The following HAO1 variants were observed in gnomAD, a reference collection of about 807,000 sequenced individuals.
The protein encoded by HAO1 is hydroxyacid oxidase 1, also known as 2-Hydroxyacid oxidase 1.
Under a neutral mutation model 39.7 loss-of-function variants are expected in HAO1, and 34 were observed. The ratio of observed to expected loss-of-function variants is 0.86; its 90% CI spans 0.65 to 1.14. HAO1 has a LOEUF of 1.14. Ranked by LOEUF, HAO1 falls within the 50% of genes most tolerant of loss-of-function variation. HAO1 has a pLI of 0.00. For synonymous variants in HAO1, 172 were observed against 173.2 expected, an observed-to-expected ratio of 0.99 and a Z score of 0.05; for missense variants, 479 against 464.5, an observed-to-expected ratio of 1.03 and a Z score of -0.29.
intron 4 of HAO1, among the ~76,000 whole-genome samples, chr20:7,898,322 C>T (rs2050206565): frequency 6.6e-6 from 1 of 152,170 alleles, no homozygotes; most frequent in South Asian, 2.1e-4. Flanking sequence ...GAAAGCCTAT[C>T]TCAAGGTACA....
At chr20:7,898,404 T>C (rs2050206818) in intron 4 of HAO1, among the ~76,000 whole-genome samples, 1 of 152,206 alleles carries the variant, frequency 6.6e-6, no homozygotes, top group Non-Finnish European at 1.5e-5. Flanking sequence ...GTTTCTGTCC[T>C]CTATCCTCCT....
chr20:7,938,524 T>C (rs1205189566), intron 1 of HAO1, among the ~76,000 whole-genome samples: 2 of 152,166 alleles, frequency 1.3e-5, no homozygotes, highest in South Asian at 2.1e-4. Context: ...TTGAATACCA[T>C]GTAATTCACA....
At chr20:7,901,203 G>A (rs1020535337) in intron 4 of HAO1, among the ~76,000 whole-genome samples, 1 of 152,174 alleles carries the variant, frequency 6.6e-6, no homozygotes, top group African/African-American at 2.4e-5. Flanking sequence ...AGGGCTGATG[G>A]AAAAGCTGCA....
chr20:7,915,700 A>G (rs956131888), intron 2 of HAO1, among the ~76,000 whole-genome samples: 6 of 152,286 alleles, frequency 3.9e-5, no homozygotes, highest in African/African-American at 1.4e-4. Context: ...TCTCTGGAGA[A>G]CTCTGGGTAT....
intron 5 of HAO1, among the ~76,000 whole-genome samples, chr20:7,889,033 C>G (rs1453232513): frequency 1.3e-5 from 2 of 152,128 alleles, no homozygotes; most frequent in African/African-American, 4.8e-5. Flanking sequence ...CAGAAAAACA[C>G]TGAGCAGATC....
intron 4 of HAO1, among the ~76,000 whole-genome samples, chr20:7,901,684 C>A (rs2050222033): frequency 6.6e-6 from 1 of 152,208 alleles, no homozygotes; most frequent in African/African-American, 2.4e-5. Context: ...GTAATTTTGA[C>A]TTTCAAGTCT....
chr20:7,889,577 T>C (rs1400625369), intron 5 of HAO1, among the ~76,000 whole-genome samples: 3 of 152,196 alleles, frequency 2.0e-5, no homozygotes, highest in African/African-American at 7.2e-5. Flanking sequence ...TAGCAGAGGC[T>C]GGCAACTCTT....
intron 5 of HAO1, among the ~76,000 whole-genome samples, chr20:7,891,068 T>C (rs1042681264): frequency 2.8e-4 from 42 of 152,200 alleles, no homozygotes; most frequent in African/African-American, 9.9e-4. Context: ...TAGCCAGTAG[T>C]GGGACTGCTG....
At chr20:7,898,208 C>T (rs1013689654) in intron 4 of HAO1, among the ~76,000 whole-genome samples, 5 of 152,142 alleles carry the variant, frequency 3.3e-5, no homozygotes, top group African/African-American at 9.7e-5. Flanking sequence ...AGTCCCCTTG[C>T]GTTTCGTCTT....
chr20:7,915,728 A>G (rs918903419), intron 2 of HAO1, among the ~76,000 whole-genome samples: 2 of 152,176 alleles, frequency 1.3e-5, no homozygotes, highest in Admixed American at 6.5e-5. Context: ...TTAAAATAAT[A>G]TAGACATAGA....
intron 4 of HAO1, among the ~76,000 whole-genome samples, chr20:7,897,853 G>A (rs79590568): frequency 0.01 from 1,562 of 152,216 alleles, 35 homozygotes; most frequent in African/African-American, 0.036. Context: ...ATTTAAGGAA[G>A]AAAGATTGAG....
At chr20:7,895,375 C>A (rs1177658271) in intron 4 of HAO1, 151 bp from the exon 5 acceptor site, 3 of 542,464 alleles carry the variant, frequency 5.5e-6, no homozygotes, top group Non-Finnish European at 6.6e-6. Context: ...CTAGGGTTAG[C>A]GCTAGAATAT....
At chr20:7,933,675 T>C (rs76628572) in intron 2 of HAO1, among the ~76,000 whole-genome samples, 1,990 of 152,332 alleles carry the variant, frequency 0.013, 37 homozygotes, top group African/African-American at 0.043. Flanking sequence ...TAAAATATTA[T>C]ATAGTCGTGT....
In HAO1 at chr20:7,931,349, T is replaced by C. The variant is rs186498191; in HGVS notation, c.289+3135A>G. Among the ~76,000 whole-genome samples, 4 of 152,250 alleles carry C rather than the reference T, an allele frequency of 2.6e-5. No individual in the cohort carries two copies. The East Asian group carries it at 5.8e-4, about 22-fold the overall frequency. ...TACTTCTAGGGGATCATAATGGGCT[T>C]CTCCTCATGACACTTCATAGGAGTT... is the stretch of plus-strand genomic sequence containing the variant. On this transcript the variant is annotated intron_variant, in intron 2 of 7. Transcript: ENST00000378789.
intron 2 of HAO1, among the ~76,000 whole-genome samples, chr20:7,915,527 T>C (rs184670177): frequency 2.0e-4 from 31 of 152,266 alleles, no homozygotes; most frequent in African/African-American, 6.7e-4. Context: ...CTTGCAAGCT[T>C]CCACAAACAC....
intron 2 of HAO1, among the ~76,000 whole-genome samples, chr20:7,932,632 A>T (rs2050390860): frequency 6.6e-6 from 1 of 152,232 alleles, no homozygotes; most frequent in Non-Finnish European, 1.5e-5. Flanking sequence ...ATTTCTCACA[A>T]TTTTAAATTA....
intron 5 of HAO1, among the ~76,000 whole-genome samples, chr20:7,894,110 G>A (rs1413429088): frequency 1.3e-5 from 2 of 152,136 alleles, no homozygotes; most frequent in African/African-American, 4.8e-5. Context: ...GCACATAAGG[G>A]AACCACTTGA....
At chr20:7,894,103 C>A (rs1161366088) in intron 5 of HAO1, among the ~76,000 whole-genome samples, 2 of 152,202 alleles carry the variant, frequency 1.3e-5, no homozygotes, top group Non-Finnish European at 2.9e-5. Context: ...GTGGACAGCA[C>A]ATAAGGGAAC....
At chr20:7,928,496 T>TA (rs1491285489) in intron 2 of HAO1, among the ~76,000 whole-genome samples, 5 of 69,044 alleles carry the variant, frequency 7.2e-5, no homozygotes, top group African/African-American at 1.1e-4. Context: ...AAGTTTTTTC[T>TA]TTTTTTTTTT....
Sources: allele counts gnomAD v4.1 joint callset (sites outside exome capture counted in the v4.1 genomes callset), GRCh38; gene constraint gnomAD v4.1.1; transcripts MANE v1.5; gene names NCBI Gene and HGNC (gene_info 2026-07-23, HGNC 2026-07-21).